GRIK5: variants seen among roughly 807,000 people sequenced by gnomAD.
The protein encoded by GRIK5 is glutamate receptor ionotropic, kainate 5.
Under a neutral mutation model 97.4 loss-of-function variants are expected in GRIK5, and 43 were observed. The ratio of observed to expected loss-of-function variants is 0.44; its 90% CI spans 0.35 to 0.57. The LOEUF (loss-of-function observed/expected upper bound fraction) is 0.57, where lower values mean the gene tolerates loss of function less well. Ranked by LOEUF, GRIK5 falls within the 20% of genes least tolerant of loss-of-function variation. The pLI is 0.01. For missense variants in GRIK5, 1,015 were observed against 1,382.0 expected, an observed-to-expected ratio of 0.73 and a Z score of 4.21; for synonymous variants, 580 against 583.5, an observed-to-expected ratio of 0.99 and a Z score of 0.09.
At chr19:42,033,455 T>G (rs1258614760) in intron 12 of GRIK5, among the ~76,000 whole-genome samples, 1 of 151,850 alleles carries the variant, frequency 6.6e-6, no homozygotes, top group East Asian at 1.9e-4. Flanking sequence ...TCCATTTATG[T>G]GAAATATTTG....
intron 12 of GRIK5, among the ~76,000 whole-genome samples, chr19:42,037,174 C>CA (rs2075916375): frequency 6.6e-6 from 1 of 152,184 alleles, no homozygotes; most frequent in Admixed American, 6.5e-5. Flanking sequence ...CCTTAAAACT[C>CA]ACTGGCTGGG....
intron 3 of GRIK5, among the ~76,000 whole-genome samples, chr19:42,064,970 G>A (rs1393641920): frequency 6.6e-6 from 1 of 152,246 alleles, no homozygotes; most frequent in African/African-American, 2.4e-5. Flanking sequence ...CCAGCCAGCT[G>A]GGATGATAGG....
At chr19:42,001,940 C>G in intron 19 of GRIK5, 1 of 599,770 alleles carries the variant, frequency 1.7e-6, no homozygotes. Context: ...GGACTGAGCC[C>G]TGGAGCCCCA....
At chr19:42,038,016 G>A (rs185658952) in intron 12 of GRIK5, among the ~76,000 whole-genome samples, 2 of 152,340 alleles carry the variant, frequency 1.3e-5, no homozygotes, top group African/African-American at 4.8e-5. Flanking sequence ...CTCAGAGTCA[G>A]CTTCCTGGGA....
intron 11 of GRIK5, among the ~76,000 whole-genome samples, chr19:42,047,706 A>G (rs1468227281): frequency 6.6e-6 from 1 of 152,174 alleles, no homozygotes; most frequent in Non-Finnish European, 1.5e-5. Flanking sequence ...GCGGTGGATC[A>G]TGCCTGTAAT....
At chr19:42,015,185 C>A (rs576998955) in intron 15 of GRIK5, among the ~76,000 whole-genome samples, 3 of 152,232 alleles carry the variant, frequency 2.0e-5, no homozygotes, top group African/African-American at 7.2e-5. Flanking sequence ...TGAAGAGAAA[C>A]GGATAAATTT....
intron 1 of GRIK5, chr19:42,068,923 T>C (rs1477149207): frequency 4.5e-6 from 3 of 664,904 alleles, no homozygotes; most frequent in South Asian, 3.2e-5. Flanking sequence ...GGACGGAGGC[T>C]TGGAGACAGC....
rs2076272428 is a variant in GRIK5, at chr19:42,062,536, T to C, written c.460A>G (p.Lys154Glu). 2 of 1,613,982 alleles carry C rather than the reference T, an allele frequency of 1.2e-6. No individual in the cohort carries two copies. Among genetic ancestry groups the C allele is most frequent in the Middle Eastern group, 1.6e-4 (1 of 6,084 alleles). The change falls in exon 5 of 20, where the codon AAG (lysine) becomes GAG (glutamate). Residue 154 changes from lysine (K) to glutamate (E), a missense_variant. By Grantham distance (56) the Lys-to-Glu change is moderately conservative (BLOSUM62 1). This residue lies in a region of GRIK5 where 198 missense variants were observed against 218.2 expected (regional missense o/e 0.91). Coordinates refer to ENST00000593562, the MANE Select transcript of GRIK5 (RefSeq NM_002088.5). The surrounding 1 kb of genome is among the most constrained non-coding windows in gnomAD (Gnocchi z 5.3). ...CTGGCCGAGGGGTAGTTGAAGGACT[T>C]GAGGATTCGGGAGACCGCCAAGCTG... ...DVSLAVSRIL[K>E]SFNYPSASLI...
intron 11 of GRIK5, 131 bp downstream of exon 11, chr19:42,053,471 C>T: frequency 1.6e-6 from 1 of 631,458 alleles, no homozygotes; most frequent in Non-Finnish European, 2.8e-6. Flanking sequence ...CCTGGAGTTG[C>T]TGCGTGCAGG....
chr19:42,025,406 C>T (rs2075758686), intron 12 of GRIK5, among the ~76,000 whole-genome samples: 1 of 152,040 alleles, frequency 6.6e-6, no homozygotes, highest in Admixed American at 6.6e-5. Flanking sequence ...GAGGTCTGGC[C>T]CAGGTGAGTG....
At position 42,056,799 on chromosome 19, in the gene GRIK5, C is replaced by T. The variant is rs201962794; in HGVS notation, c.766G>A (p.Gly256Ser). 1.2e-6 allele frequency: 2 copies of T among 1,614,052 alleles called. No individual in the cohort carries two copies. The highest frequency in any genetic ancestry group is 1.1e-5 in the South Asian group (1 of 91,072). Residue 256 changes from glycine (G) to serine (S), a missense_variant, in exon 8 of 20, where the codon GGT (glycine) becomes AGT (serine). By Grantham distance (56) the Gly-to-Ser change is moderately conservative. Transcript: ENST00000593562. ...ATGTTGGAGGAGTCCTCCACAATAC[C>T]GTCCAGATGCAGGATGGGGAAGTCC... ...TMDFPILHLDGIVEDSSNILG... is the reference protein window; with the variant it reads ...TMDFPILHLDSIVEDSSNILG...
At chr19:42,020,417 G>C (rs555669250) in intron 15 of GRIK5, among the ~76,000 whole-genome samples, 1 of 152,286 alleles carries the variant, frequency 6.6e-6, no homozygotes, top group East Asian at 1.9e-4. Flanking sequence ...CCTCACCTGA[G>C]TGCCTGGCAC....
rs1353682192 is a variant in GRIK5, at chr19:42,069,241, G to A, written c.-51C>T. 2 of 279,668 alleles carry A rather than the reference G, an allele frequency of 7.2e-6. No homozygotes were observed. The highest frequency in any genetic ancestry group is 5.3e-5 in the Admixed American group (1 of 18,858). The allele number at this position is 279,668 out of a possible 1,614,324, so 17.3% of individuals were successfully genotyped here. A position where few individuals can be genotyped will look rare whatever the true frequency, so the allele number is the denominator to read the frequency against. On this transcript the variant is annotated splice_region_variant and 5_prime_UTR_variant, in exon 1 of 20. Coordinates refer to ENST00000593562, the MANE Select transcript of GRIK5 (RefSeq NM_002088.5). ...CAATCCCTGCCCTGCAGACACTCACGGATCCTGGTGGGACGGAGGGCTGGG... is the reference window on the plus strand; with the variant it reads ...CAATCCCTGCCCTGCAGACACTCACAGATCCTGGTGGGACGGAGGGCTGGG...
chr19:42,005,149 AAC>A (rs782663717), intron 17 of GRIK5, among the ~76,000 whole-genome samples: 5 of 151,672 alleles, frequency 3.3e-5, no homozygotes, highest in African/African-American at 4.8e-5. Context: ...GTCCTGGAAA[AAC>A]ATGTCCTGGG....
intron 12 of GRIK5, among the ~76,000 whole-genome samples, chr19:42,030,611 A>ACTATAGGCATGTGCCT (rs1448597522): frequency 1.3e-5 from 2 of 151,228 alleles, no homozygotes; most frequent in African/African-American, 4.9e-5. Context: ...GGCATGTGCC[A>ACTATAGGCATGTGCCT]TGCCCAGCTA....
At position 41,999,102 on chromosome 19, in the gene GRIK5, C is replaced by T; in HGVS notation, c.2712G>A (p.Gly904=). The change falls in exon 20 of 20, where the codon GGG becomes GGA. Residue 904 remains glycine (G), a synonymous_variant. Transcript: ENST00000593562. The surrounding 1 kb of genome is among the most constrained non-coding windows in gnomAD (Gnocchi z 5.0). ...GAGGDAGSAH[G]GPQRLLDDPG... ...GGTCGTCCAGGAGGCGCTGCGGGCC[C>T]CCGTGCGCGCTGCCCGCATCCCCGC... 7.3e-7 allele frequency: 1 copy of T among 1,364,420 alleles called. No homozygotes were observed. The highest frequency in any genetic ancestry group is 9.4e-7 in the Non-Finnish European group (1 of 1,064,062). 84.5% of individuals were successfully genotyped at this position (1,364,420 alleles called of 1,614,324 possible). A position where few individuals can be genotyped will look rare whatever the true frequency, so the allele number is the denominator to read the frequency against.
rs1555870203 is a variant in GRIK5 at position 41,999,068 on chromosome 19, G to A, written c.2746C>T (p.Pro916Ser). 16 of 1,270,192 alleles carry A rather than the reference G, an allele frequency of 1.3e-5. No individual in the cohort carries two copies. The highest frequency in any genetic ancestry group is 1.6e-5 in the Non-Finnish European group (16 of 1,012,516). 78.7% of individuals were successfully genotyped at this position (1,270,192 alleles called of 1,614,324 possible). A position where few individuals can be genotyped will look rare whatever the true frequency, so the allele number is the denominator to read the frequency against. ...GGGGCGGCGGGTCGGGCTCCGCTGGGGGGCCCCGGGTCGTCCAGGAGGCGC... is the reference window on the plus strand; with the variant it reads ...GGGGCGGCGGGTCGGGCTCCGCTGGAGGGCCCCGGGTCGTCCAGGAGGCGC... ...PQRLLDDPGP[P>S]SGARPAAPTP... The change falls in exon 20 of 20, where the codon CCC becomes TCC. Residue 916 changes from proline to serine, a missense_variant. Around this residue, in one of 5 missense-constraint regions of GRIK5, gnomAD observed 109 missense variants for 100.4 expected, o/e 1.09. Transcript: ENST00000593562. The surrounding 1 kb of genome is among the most constrained non-coding windows in gnomAD (Gnocchi z 5.0).
Position 42,003,397 on chromosome 19 carries a change from T to C in GRIK5, c.2449A>G (p.Ile817Val), listed in dbSNP as rs782580116. ...IFIVLICGLI[I>V]AVFVAVMEFI... ...TCCATGACCGCCACGAAGACAGCAA[T>C]GATGAGGCCACAGATGAGCACGATA... Residue 817 changes from isoleucine to valine, a missense_variant, in exon 19 of 20, where the codon ATT becomes GTT. Transcript: ENST00000593562. This position sits in a 1 kb window ranked among gnomAD's most constrained non-coding sequence, Gnocchi z 4.2. 11 of 1,592,470 alleles carry C rather than the reference T, an allele frequency of 6.9e-6. No individual in the cohort carries two copies. Among genetic ancestry groups the C allele is most frequent in the African/African-American group, 1.4e-5 (1 of 73,480 alleles).
chr19:42,029,345 C>T (rs747970606), intron 12 of GRIK5, among the ~76,000 whole-genome samples: 21 of 151,666 alleles, frequency 1.4e-4, no homozygotes, highest in Non-Finnish European at 2.9e-4. Context: ...GGATTACAGG[C>T]GTGAGCCACC....
Sources: allele counts gnomAD v4.1 joint callset (sites outside exome capture counted in the v4.1 genomes callset), GRCh38; gene constraint gnomAD v4.1.1; regional missense constraint gnomAD v4.1.1; non-coding constraint Gnocchi (gnomAD v3.1); transcripts MANE v1.5; gene names NCBI Gene and HGNC (gene_info 2026-07-23, HGNC 2026-07-21).